Variants in FNBP4 observed in about 807,000 individuals in gnomAD.
FNBP4 encodes formin binding protein 4.
A neutral mutation model predicts 119.3 loss-of-function variants in FNBP4; 34 were observed. That is an observed-to-expected ratio of 0.28 (90% CI 0.22 to 0.38). FNBP4 has a LOEUF of 0.38. Among genes scored for constraint, FNBP4 ranks in the 10% least tolerant of loss-of-function variants. The pLI is 1.00. For synonymous variants in FNBP4, 462 were observed against 430.6 expected (o/e 1.07, Z -0.90); for missense variants, 1,112 against 1,228.9 (o/e 0.90, Z 1.42).
rs370802902 is a variant in FNBP4 at position 47,731,365 on chromosome 11, T to G, written c.2008+9A>C. 6.3e-7 allele frequency: 1 copy of G among 1,598,402 alleles called. No individual in the cohort carries two copies. Among genetic ancestry groups the G allele is most frequent in the Admixed American group, 1.8e-5 (1 of 55,876 alleles). ...TTTGGCTGAATTAGTACAAGGTAAA[T>G]TGTCTCACCTGTGGAAGTTTCAGAG... is the stretch of plus-strand genomic sequence containing the variant. On this transcript the variant is annotated intron_variant, in intron 12 of 16. Coordinates refer to ENST00000263773, the MANE Select transcript of FNBP4 (RefSeq NM_015308.5).
intron 2 of FNBP4, among the ~76,000 whole-genome samples, chr11:47,760,814 T>C (rs2097632538): frequency 6.6e-6 from 1 of 152,188 alleles, no homozygotes; most frequent in Non-Finnish European, 1.5e-5. Flanking sequence ...TCCACCTGCC[T>C]TGGCCTCCCA....
At position 47,732,736 on chromosome 11, in the gene FNBP4, A is replaced by G; in HGVS notation, c.1687-66T>C. 6.8e-7 allele frequency: 1 copy of G among 1,477,554 alleles called. No homozygotes were observed. The highest frequency in any genetic ancestry group is 9.4e-7 in the Non-Finnish European group (1 of 1,058,826). 91.5% of individuals were successfully genotyped at this position (1,477,554 alleles called of 1,614,324 possible). On this transcript the variant is annotated intron_variant, in intron 10 of 16. Transcript: ENST00000263773. This position sits in a 1 kb window ranked among gnomAD's most constrained non-coding sequence, Gnocchi z 4.2. ...ATGTCAGGAGACACAGGCAAAGGGG[A>G]TATAAACCTTCTGCTCCAAGACTAT...
At chr11:47,743,821 T>G in intron 8 of FNBP4, 132 bp downstream of exon 8, 1 of 796,208 alleles carries the variant, frequency 1.3e-6, no homozygotes, top group Non-Finnish European at 2.0e-6. Flanking sequence ...GATGGAAGCT[T>G]CCTTCCCAGC....
Position 47,719,914 on chromosome 11 carries a change from T to C in FNBP4, c.2963+15A>G. On this transcript the variant is annotated intron_variant, in intron 16 of 16. Coordinates refer to ENST00000263773, the MANE Select transcript of FNBP4 (RefSeq NM_015308.5). ...CTCCAAAACCCCATCTCATCTGTGT[T>C]TCCTTTTCTTTTACCTAACCAGCTG... The C allele has an allele frequency of 6.2e-7, 1 of 1,613,298 alleles. No individual in the cohort carries two copies. The highest frequency in any genetic ancestry group is 1.3e-5 in the African/African-American group (1 of 74,984).
chr11:47,729,431 T>A, intron 12 of FNBP4: 1 of 985,256 alleles, frequency 1.0e-6, no homozygotes, highest in Non-Finnish European at 1.2e-6. Context: ...AAACAACAAA[T>A]AATGATTAAA....
intron 12 of FNBP4, among the ~76,000 whole-genome samples, chr11:47,730,844 A>G (rs1321820988): frequency 6.6e-6 from 1 of 152,246 alleles, no homozygotes; most frequent in Non-Finnish European, 1.5e-5. Context: ...TTTAGACCAG[A>G]AGATTGCTGG....
intron 12 of FNBP4, among the ~76,000 whole-genome samples, chr11:47,731,035 AT>A (rs2097566787): frequency 6.6e-6 from 1 of 152,228 alleles, no homozygotes; most frequent in African/African-American, 2.4e-5. Context: ...CATGCCACAT[AT>A]ATTGACAGTT....
At chr11:47,740,362 C>T (rs895124444) in intron 8 of FNBP4, among the ~76,000 whole-genome samples, 1 of 151,080 alleles carries the variant, frequency 6.6e-6, no homozygotes, top group Non-Finnish European at 1.5e-5. Context: ...CAGTGAGCCA[C>T]GATCGTGACA....
intron 14 of FNBP4, 83 bp downstream of exon 14, chr11:47,723,945 A>G: frequency 7.8e-7 from 1 of 1,288,802 alleles, no homozygotes; most frequent in East Asian, 2.4e-5. Flanking sequence ...AGCCTTTAAC[A>G]TTTCTTTAGT....
chr11:47,762,630 C>T (rs1014870454), intron 2 of FNBP4, among the ~76,000 whole-genome samples: 37 of 151,842 alleles, frequency 2.4e-4, no homozygotes, highest in African/African-American at 8.5e-4. Context: ...GTGGGGGTCT[C>T]GGCCAAGTGT....
At chr11:47,755,147 A>C (rs2097614076) in intron 2 of FNBP4, among the ~76,000 whole-genome samples, 2 of 145,766 alleles carry the variant, frequency 1.4e-5, no homozygotes, top group Non-Finnish European at 3.0e-5. Context: ...GGGTTAAAAA[A>C]AAAAAAAAAA....
At position 47,752,820 on chromosome 11, in the gene FNBP4, A is replaced by G. The variant is rs560368588; in HGVS notation, c.637+96T>C. ...CAGAGCGAGATTCCATCTCAAAACA[A>G]ACAAACAAACAAACAAACAAAAAAC... On this transcript the variant is annotated intron_variant, in intron 4 of 16. Transcript: ENST00000263773. The G allele has an allele frequency of 5.9e-4, 699 of 1,185,222 alleles. 3 individuals carry two copies. Among genetic ancestry groups the G allele is most frequent in the Admixed American group, 8.8e-4 (41 of 46,570 alleles). The allele number at this position is 1,185,222 out of a possible 1,614,324, so 73.4% of individuals were successfully genotyped here.
At chr11:47,717,940 C>T (rs1278486543) in intron 16 of FNBP4, among the ~76,000 whole-genome samples, 1 of 149,838 alleles carries the variant, frequency 6.7e-6, no homozygotes, top group Non-Finnish European at 1.5e-5. Flanking sequence ...TTTTAAGTAG[C>T]GACAGGGTTT....
intron 12 of FNBP4, among the ~76,000 whole-genome samples, chr11:47,728,128 A>G (rs2097563266): frequency 6.6e-6 from 1 of 151,972 alleles, no homozygotes; most frequent in African/African-American, 2.4e-5. Context: ...CTCCTGCCTC[A>G]GCCTCCCAAA....
At position 47,731,540 on chromosome 11, in the gene FNBP4, A is replaced by G. The variant is rs1232953743; in HGVS notation, c.1842T>C (p.Tyr614=). 6.2e-7 allele frequency: 1 copy of G among 1,611,292 alleles called. No individual in the cohort carries two copies. The highest frequency in any genetic ancestry group is 8.5e-7 in the Non-Finnish European group (1 of 1,179,364). The part of the protein sequence containing the change: ...HWDRDHRRYF[Y]VNEQSGESQW... ...GAGACTCGCCCGACTGTTCGTTTACATAGAAATACCGTCTATGATCCCTAA... is the reference window on the plus strand; with the variant it reads ...GAGACTCGCCCGACTGTTCGTTTACGTAGAAATACCGTCTATGATCCCTAA... Residue 614 remains tyrosine, a synonymous_variant, in exon 12 of 17, where the codon TAT becomes TAC. Coordinates refer to ENST00000263773, the MANE Select transcript of FNBP4 (RefSeq NM_015308.5).
At chr11:47,750,505 C>G (rs1422135708) in intron 6 of FNBP4, among the ~76,000 whole-genome samples, 1 of 147,468 alleles carries the variant, frequency 6.8e-6, no homozygotes, top group African/African-American at 2.5e-5. Flanking sequence ...CTGGCTAACA[C>G]AGTGAAACAC....
At chr11:47,757,300 T>C (rs558503713) in intron 2 of FNBP4, among the ~76,000 whole-genome samples, 82 of 152,226 alleles carry the variant, frequency 5.4e-4, no homozygotes, top group African/African-American at 1.8e-3. Flanking sequence ...CTACAAGCTC[T>C]GCCTCTCAGG....
chr11:47,765,394 GAAA>G (rs752393881), intron 1 of FNBP4, 32 bp from the exon 2 acceptor site: 42 of 1,339,320 alleles, frequency 3.1e-5, no homozygotes, highest in Middle Eastern at 4.1e-4. Context: ...GAAAAGAAAA[GAAA>G]AGAAAAGAAA....
Position 47,767,111 on chromosome 11 carries a change from CGGTGGT to C in FNBP4, c.172_177del (p.Thr58_Thr59del), listed in dbSNP as rs67450550. 0.43 allele frequency: 659,900 copies of C among 1,536,672 alleles called. 147,791 individuals are homozygous for C. Among genetic ancestry groups the C allele is most frequent in the South Asian group, 0.53 (44,307 of 83,752 alleles). On this transcript the variant is annotated inframe_deletion, in exon 1 of 17. Transcript: ENST00000263773. ...TCCGAGGCCGCGGCGGCAGTCACCG[CGGTGGT>C]GGTGGTCGTCGCCGCCGACGGGGCG... is the stretch of plus-strand genomic sequence containing the variant.
Sources: allele counts gnomAD v4.1 joint callset (sites outside exome capture counted in the v4.1 genomes callset), GRCh38; gene constraint gnomAD v4.1.1; non-coding constraint Gnocchi (gnomAD v3.1); transcripts MANE v1.5; gene names NCBI Gene and HGNC (gene_info 2026-07-23, HGNC 2026-07-21).